Variants in MYRIP observed in about 807,000 individuals in gnomAD.
MYRIP encodes myosin VIIA and Rab interacting protein.
MYRIP carries 49 observed loss-of-function variants against 98.0 expected under a neutral mutation model. That is an observed-to-expected ratio of 0.50 (90% confidence interval 0.40 to 0.63). The LOEUF (loss-of-function observed/expected upper bound fraction) is 0.63. Among genes scored for constraint, MYRIP ranks in the 30% least tolerant of loss-of-function variants. The probability of loss-of-function intolerance (pLI) is 0.00; values close to 1 mark genes in which losing one functional copy is unlikely to be tolerated. For missense variants in MYRIP, 1,004 were observed against 1,058.2 expected (o/e 0.95, Z 0.71); for synonymous variants, 404 against 409.5 (o/e 0.99, Z 0.16).
At chr3:40,183,714 T>G (rs999696984) in intron 9 of MYRIP, among the ~76,000 whole-genome samples, 8 of 152,216 alleles carry the variant, frequency 5.3e-5, no homozygotes, top group African/African-American at 1.9e-4. Context: ...TGTCTTCACA[T>G]GAAGAAAGCA....
chr3:40,196,923 T>TG, intron 10 of MYRIP, among the ~76,000 whole-genome samples: 1 of 152,312 alleles, frequency 6.6e-6, no homozygotes, highest in East Asian at 1.9e-4. Context: ...CTTCACCTCA[T>TG]GGGCCAGGAT....
chr3:40,081,956 CATG>C (rs1426703074), intron 3 of MYRIP, among the ~76,000 whole-genome samples: 2 of 152,184 alleles, frequency 1.3e-5, no homozygotes, highest in African/African-American at 4.8e-5. Flanking sequence ...TTTCACTTAG[CATG>C]ATGTCCTCCA....
intron 12 of MYRIP, among the ~76,000 whole-genome samples, chr3:40,236,205 C>T (rs1952819619): frequency 6.6e-6 from 1 of 152,170 alleles, no homozygotes; most frequent in Non-Finnish European, 1.5e-5. Context: ...CAGTAACATG[C>T]TGTAGCCTAG....
chr3:40,036,523 A>C (rs1358690335), intron 2 of MYRIP, among the ~76,000 whole-genome samples: 1 of 152,034 alleles, frequency 6.6e-6, no homozygotes, highest in East Asian at 1.9e-4. Context: ...AATGTGTATA[A>C]ATCTCTACAA....
At chr3:39,927,881 A>G (rs998282314) in intron 2 of MYRIP, among the ~76,000 whole-genome samples, 1 of 152,112 alleles carries the variant, frequency 6.6e-6, no homozygotes, top group African/African-American at 2.4e-5. Flanking sequence ...TTGATTCAAC[A>G]TACATAAATC....
At chr3:40,065,523 A>G (rs1274258369) in intron 3 of MYRIP, among the ~76,000 whole-genome samples, 7 of 151,946 alleles carry the variant, frequency 4.6e-5, no homozygotes, top group Admixed American at 4.6e-4. Context: ...TGCAGCTTGC[A>G]CCCCTCAAAA....
At chr3:40,208,634 C>T (rs991226494) in intron 10 of MYRIP, among the ~76,000 whole-genome samples, 1 of 152,208 alleles carries the variant, frequency 6.6e-6, no homozygotes, top group African/African-American at 2.4e-5. Context: ...TGTACCATCT[C>T]AAAATCTTGG....
At chr3:40,131,753 T>G (rs1180938876) in intron 3 of MYRIP, among the ~76,000 whole-genome samples, 2 of 152,254 alleles carry the variant, frequency 1.3e-5, no homozygotes, top group African/African-American at 4.8e-5. Flanking sequence ...ATAGCTGTGT[T>G]TTTAAACATG....
At chr3:39,849,583 A>G (rs1334065230) in intron 1 of MYRIP, among the ~76,000 whole-genome samples, 1 of 152,166 alleles carries the variant, frequency 6.6e-6, no homozygotes, top group Admixed American at 6.5e-5. Flanking sequence ...GTAATTTGTA[A>G]GTTATAAATG....
intron 4 of MYRIP, among the ~76,000 whole-genome samples, chr3:40,158,684 A>G (rs1337997853): frequency 6.6e-6 from 1 of 152,064 alleles, no homozygotes; most frequent in Non-Finnish European, 1.5e-5. Flanking sequence ...GTGCTCCTGT[A>G]TTGGGTGCAT....
At chr3:40,131,017 G>GA (rs1949627082) in intron 3 of MYRIP, among the ~76,000 whole-genome samples, 1 of 152,178 alleles carries the variant, frequency 6.6e-6, no homozygotes, top group South Asian at 2.1e-4. Context: ...GCAAAATGCT[G>GA]AAAAAATATG....
chr3:39,943,112 G>A (rs1270610731), intron 2 of MYRIP, among the ~76,000 whole-genome samples: 1 of 152,118 alleles, frequency 6.6e-6, no homozygotes, highest in Non-Finnish European at 1.5e-5. Flanking sequence ...CCATGACTGA[G>A]ACTGGGTTCA....
chr3:40,031,752 C>T lies in MYRIP; in HGVS notation c.111-12298C>T, dbSNP rs1338173876. ...GTGTCGAGGAATTTATCCATTTCTTCTAGATTTTCTAGTTTATTTGCGTAG... is the reference window on the plus strand; with the variant it reads ...GTGTCGAGGAATTTATCCATTTCTTTTAGATTTTCTAGTTTATTTGCGTAG... On this transcript the variant is annotated intron_variant, in intron 2 of 16. Transcript: ENST00000302541. 2.0e-5 allele frequency among the ~76,000 whole-genome samples: 3 copies of T among 152,148 alleles called. No individual in the cohort carries two copies. In the East Asian group the frequency reaches 5.8e-4, roughly 29 times the overall value.
chr3:40,204,683 T>A (rs1951746645), intron 10 of MYRIP, among the ~76,000 whole-genome samples: 1 of 152,132 alleles, frequency 6.6e-6, no homozygotes, highest in Non-Finnish European at 1.5e-5. Context: ...TAATCAGTCC[T>A]CCAAACCCTC....
At chr3:39,972,149 T>A (rs1421440930) in intron 2 of MYRIP, among the ~76,000 whole-genome samples, 1 of 152,080 alleles carries the variant, frequency 6.6e-6, no homozygotes, top group South Asian at 2.1e-4. Flanking sequence ...TATCTTATAT[T>A]CACATGAGCA....
chr3:39,901,839 A>G (rs1402051017), intron 2 of MYRIP, among the ~76,000 whole-genome samples: 2 of 152,186 alleles, frequency 1.3e-5, no homozygotes, highest in African/African-American at 4.8e-5. Context: ...TGTGAGACCA[A>G]AAAATGGTGG....
chr3:39,866,745 G>A (rs1317270633), intron 1 of MYRIP, among the ~76,000 whole-genome samples: 1 of 152,116 alleles, frequency 6.6e-6, no homozygotes, highest in African/African-American at 2.4e-5. Flanking sequence ...GTAAAAATAT[G>A]TATACTACCC....
intron 5 of MYRIP, among the ~76,000 whole-genome samples, chr3:40,163,537 T>C (rs1193270523): frequency 6.6e-6 from 1 of 152,164 alleles, no homozygotes; most frequent in Non-Finnish European, 1.5e-5. Context: ...ATCCAATCCA[T>C]TGAAAGCCCA....
rs186277740 is a variant in MYRIP, at chr3:39,960,270, C to G, written c.110+59344C>G. Among the ~76,000 whole-genome samples, 4 of 152,190 alleles carry G rather than the reference C, an allele frequency of 2.6e-5. 1 individual carries two copies. The highest frequency in any genetic ancestry group is 4.2e-4 in the South Asian group (2 of 4,818). ...GTTTATAGTGTCAGTCCCTCTCCCC[C>G]CATTCTTTCCTGCACCTCCCCAAAG... On this transcript the variant is annotated intron_variant, in intron 2 of 16. Coordinates refer to ENST00000302541, the MANE Select transcript of MYRIP (RefSeq NM_015460.4).
Sources: gnomAD v4.1 joint callset for allele counts (sites outside exome capture counted in the v4.1 genomes callset) on GRCh38, gnomAD v4.1.1 for gene constraint, MANE v1.5 for transcripts, NCBI Gene and HGNC (gene_info 2026-07-23, HGNC 2026-07-21) for gene names.